The following ZFHX3 variants were observed in gnomAD, a reference collection of about 807,000 sequenced individuals.
ZFHX3 encodes zinc finger homeobox protein 3.
ZFHX3 carries 42 observed loss-of-function variants against 279.1 expected under a neutral mutation model. The observed-to-expected ratio is 0.15, with a 90% CI of 0.12 to 0.19. The LOEUF (loss-of-function observed/expected upper bound fraction) is 0.19. ZFHX3 is among the 10% of genes least tolerant of loss of function. ZFHX3 has a pLI of 1.00. For missense variants in ZFHX3, 4,981 were observed against 4,754.0 expected, an observed-to-expected ratio of 1.05 and a Z score of -1.40; for synonymous variants, 2,293 against 1,957.8, an observed-to-expected ratio of 1.17 and a Z score of -4.52.
chr16:73,449,151 A>G (rs2018241834), intron 3 of ZFHX3, among the ~76,000 whole-genome samples: 1 of 152,242 alleles, frequency 6.6e-6, no homozygotes, highest in Non-Finnish European at 1.5e-5. Flanking sequence ...CTGTGAGACA[A>G]TGGACAAAGG....
chr16:73,444,977 A>C (rs941869286), intron 3 of ZFHX3, among the ~76,000 whole-genome samples: 3 of 150,470 alleles, frequency 2.0e-5, no homozygotes, highest in Non-Finnish European at 3.0e-5. Flanking sequence ...AAAAAAAAAA[A>C]AAAACAAATT....
intron 3 of ZFHX3, among the ~76,000 whole-genome samples, chr16:72,916,171 CT>C: frequency 6.6e-6 from 1 of 152,356 alleles, no homozygotes; most frequent in South Asian, 2.1e-4. Flanking sequence ...TGACTCTTCA[CT>C]TCCCCCCCCT....
intron 5 of ZFHX3, among the ~76,000 whole-genome samples, chr16:73,155,951 G>T (rs1160692842): frequency 1.3e-5 from 2 of 152,068 alleles, no homozygotes; most frequent in African/African-American, 2.4e-5. Context: ...TATATAAAGT[G>T]GTCGGGTGTG....
At chr16:73,482,343 C>T (rs1261817836) in intron 2 of ZFHX3, among the ~76,000 whole-genome samples, 3 of 152,176 alleles carry the variant, frequency 2.0e-5, no homozygotes, top group Non-Finnish European at 4.4e-5. Context: ...ATTCTGATCC[C>T]ACTGAAATCT....
At chr16:73,157,151 T>A (rs1331996830) in intron 5 of ZFHX3, among the ~76,000 whole-genome samples, 1 of 152,158 alleles carries the variant, frequency 6.6e-6, no homozygotes, top group Non-Finnish European at 1.5e-5. Flanking sequence ...AAGTCATGAA[T>A]GTGGTCATTT....
At chr16:73,409,333 A>C (rs910316646) in intron 3 of ZFHX3, among the ~76,000 whole-genome samples, 1 of 152,200 alleles carries the variant, frequency 6.6e-6, no homozygotes, top group Non-Finnish European at 1.5e-5. Context: ...ATATGGTTTC[A>C]TTTGGTCTGG....
chr16:73,061,654 C>T (rs939693661), upstream of ZFHX3: 1 of 151,876 alleles, frequency 6.6e-6, no homozygotes, highest in Non-Finnish European at 1.5e-5. Flanking sequence ...GAAAATTGTT[C>T]AGACCCTCAG....
Position 73,696,611 on chromosome 16 carries a change from T to G in ZFHX3, c.-1607-16371A>C, listed in dbSNP as rs543548611. On this transcript the variant is annotated intron_variant, in intron 1 of 17. Transcript: ENST00000641206. ...CCAACAGGGCCTGAAAGTGGCATGT[T>G]GCTCAGCTCCAAATTCATTGCTTTC... 2.4e-4 allele frequency among the ~76,000 whole-genome samples: 36 copies of G among 152,348 alleles called. 1 individual carries two copies. The highest frequency in any genetic ancestry group is 2.0e-3 in the Admixed American group (31 of 15,314).
chr16:73,192,427 G>A (rs1968061762), intron 5 of ZFHX3, among the ~76,000 whole-genome samples: 2 of 152,184 alleles, frequency 1.3e-5, no homozygotes, highest in Admixed American at 6.5e-5. Flanking sequence ...ACACAACAGA[G>A]GAGAGTGATC....
intron 5 of ZFHX3, among the ~76,000 whole-genome samples, chr16:73,216,068 C>A (rs933465616): frequency 5.9e-5 from 9 of 152,158 alleles, no homozygotes; most frequent in Non-Finnish European, 1.0e-4. Flanking sequence ...TGGAGTCAAG[C>A]TCAGCTGATT....
intron 3 of ZFHX3, among the ~76,000 whole-genome samples, chr16:73,390,118 G>A (rs1437510569): frequency 1.3e-5 from 2 of 151,992 alleles, no homozygotes; most frequent in Non-Finnish European, 2.9e-5. Context: ...TAACTGGCAT[G>A]CCTCACCTTT....
At chr16:72,925,751 C>T (rs545440219) in intron 3 of ZFHX3, among the ~76,000 whole-genome samples, 1 of 152,360 alleles carries the variant, frequency 6.6e-6, no homozygotes, top group South Asian at 2.1e-4. Flanking sequence ...GTGTCACCTT[C>T]GGGCCTACTC....
chr16:73,808,009 T>C lies in ZFHX3; in HGVS notation c.-1608+83642A>G, dbSNP rs1265040791. Among the ~76,000 whole-genome samples the C allele has an allele frequency of 2.0e-5, 3 of 151,930 alleles. No homozygotes were observed. The East Asian group carries it at 5.8e-4, about 29-fold the overall frequency. ...ATACCTACAAATGGAAGATTCAGGG[T>C]TCAAAACGAGGGTATAATGTCCATG... is the stretch of plus-strand genomic sequence containing the variant. On this transcript the variant is annotated intron_variant, in intron 1 of 17. Coordinates refer to the ZFHX3 transcript ENST00000641206.
intron 2 of ZFHX3, among the ~76,000 whole-genome samples, chr16:73,643,667 A>G (rs561900910): frequency 1.6e-3 from 251 of 152,304 alleles, no homozygotes; most frequent in Non-Finnish European, 3.1e-3. Context: ...CAGTGTTTCC[A>G]TTGACATCAA....
chr16:72,901,189 A>G (rs1206178814), intron 3 of ZFHX3, among the ~76,000 whole-genome samples: 1 of 152,028 alleles, frequency 6.6e-6, no homozygotes, highest in African/African-American at 2.4e-5. Context: ...ATGAGGCATC[A>G]TTTTTTCCTC....
chr16:73,216,003 T>G (rs73597335), intron 5 of ZFHX3, among the ~76,000 whole-genome samples: 5,117 of 152,238 alleles, frequency 0.034, 311 homozygotes, highest in African/African-American at 0.12. Flanking sequence ...ATCTAGATAG[T>G]GATTGATCTG....
chr16:72,958,441 G>A lies in ZFHX3; in HGVS notation c.1705C>T (p.Arg569Cys), dbSNP rs148894513. Residue 569 changes from arginine to cysteine, a missense_variant, in exon 2 of 10, where the codon CGT (arginine) becomes TGT (cysteine). Around this residue, in one of 7 missense-constraint regions of ZFHX3, gnomAD observed 1,068 missense variants for 935.2 expected, o/e 1.14. Coordinates refer to ENST00000268489, the MANE Select transcript of ZFHX3 (RefSeq NM_006885.4). Reference sequence around the variant, plus strand: ...ACGCCCTCACTGTTAAAGCTTAAACGATTCCTCCTGTTCGCACCATCAAAG... The same window carrying A: ...ACGCCCTCACTGTTAAAGCTTAAACAATTCCTCCTGTTCGCACCATCAAAG... ...VVFDGANRRN[R>C]LSFNSEGVRA... The A allele has an allele frequency of 6.6e-5, 107 of 1,614,204 alleles. 1 individual carries two copies. The highest frequency in any genetic ancestry group is 6.3e-4 in the African/African-American group (47 of 75,060).
chr16:73,358,606 G>A (rs2016383917), intron 3 of ZFHX3, among the ~76,000 whole-genome samples: 1 of 152,234 alleles, frequency 6.6e-6, no homozygotes, highest in African/African-American at 2.4e-5. Flanking sequence ...ATTGTTTCAA[G>A]CCACTAGGTC....
At chr16:73,392,208 T>G (rs1364776761) in intron 3 of ZFHX3, among the ~76,000 whole-genome samples, 1 of 151,578 alleles carries the variant, frequency 6.6e-6, no homozygotes, top group Admixed American at 6.6e-5. Context: ...TCACTTGAGG[T>G]CAGGAGTTCA....
Sources: allele counts gnomAD v4.1 joint callset (sites outside exome capture counted in the v4.1 genomes callset), GRCh38; gene constraint gnomAD v4.1.1; regional missense constraint gnomAD v4.1.1; transcripts MANE v1.5; gene names NCBI Gene and HGNC (gene_info 2026-07-23, HGNC 2026-07-21).